Variants in PMEPA1 observed in about 807,000 individuals in gnomAD.
PMEPA1 encodes prostate transmembrane protein, androgen induced 1.
A neutral mutation model predicts 23.0 loss-of-function variants in PMEPA1; 11 were observed. The ratio of observed to expected loss-of-function variants is 0.48; its 90% CI spans 0.30 to 0.79. The LOEUF (loss-of-function observed/expected upper bound fraction) is 0.79, where lower values mean the gene tolerates loss of function less well. Ranked by LOEUF, PMEPA1 falls within the 30% of genes least tolerant of loss-of-function variation. The pLI is 0.06. For missense variants in PMEPA1, 377 were observed against 390.9 expected (o/e 0.96, Z 0.30); for synonymous variants, 204 against 166.4 (o/e 1.23, Z -1.74).
At chr20:57,699,579 C>T (rs953765593) in intron 1 of PMEPA1, among the ~76,000 whole-genome samples, 12 of 152,180 alleles carry the variant, frequency 7.9e-5, no homozygotes, top group African/African-American at 1.7e-4. Context: ...CCAAGCAAGG[C>T]GTGTGGGGTG....
At chr20:57,678,740 CTGGCTCCTA>C (rs2071672219) in intron 1 of PMEPA1, among the ~76,000 whole-genome samples, 1 of 152,212 alleles carries the variant, frequency 6.6e-6, no homozygotes, top group Admixed American at 6.5e-5. Flanking sequence ...TCTGGAAGCA[CTGGCTCCTA>C]TTGTCTGCCC....
chr20:57,676,594 A>G (rs894935514), intron 1 of PMEPA1, among the ~76,000 whole-genome samples: 2 of 152,230 alleles, frequency 1.3e-5, no homozygotes, highest in African/African-American at 4.8e-5. Context: ...AACCAGAAAC[A>G]TCCATCAGAA....
chr20:57,662,667 T>C (rs919697142), intron 1 of PMEPA1, among the ~76,000 whole-genome samples: 2 of 152,160 alleles, frequency 1.3e-5, no homozygotes, highest in African/African-American at 4.8e-5. Context: ...TAAAGCCGCA[T>C]TCAGGGTACA....
chr20:57,666,508 A>T (rs957908344), intron 1 of PMEPA1, among the ~76,000 whole-genome samples: 1 of 152,096 alleles, frequency 6.6e-6, no homozygotes, highest in Non-Finnish European at 1.5e-5. Context: ...AGTTCCTCTG[A>T]CCCCAAAGCC....
chr20:57,677,505 G>A (rs1024090466), intron 1 of PMEPA1, among the ~76,000 whole-genome samples: 7 of 152,130 alleles, frequency 4.6e-5, no homozygotes, highest in Non-Finnish European at 8.8e-5. Flanking sequence ...AGTGGCCCTC[G>A]ATTAACATGT....
intron 1 of PMEPA1, among the ~76,000 whole-genome samples, chr20:57,676,089 G>A (rs1214496789): frequency 2.0e-5 from 3 of 152,224 alleles, no homozygotes; most frequent in African/African-American, 4.8e-5. Context: ...ACTGTTCTGC[G>A]AAGGCAGCAG....
intron 1 of PMEPA1, among the ~76,000 whole-genome samples, chr20:57,686,191 T>G (rs2071799142): frequency 6.6e-6 from 1 of 152,156 alleles, no homozygotes; most frequent in Non-Finnish European, 1.5e-5. Flanking sequence ...ACAGGGGTGG[T>G]TCTCCTAAAT....
chr20:57,658,126 G>A (rs2071353350), intron 2 of PMEPA1, among the ~76,000 whole-genome samples: 1 of 152,240 alleles, frequency 6.6e-6, no homozygotes, highest in Non-Finnish European at 1.5e-5. Flanking sequence ...CACCGTCAGA[G>A]GCGGGCAAGT....
intron 1 of PMEPA1, among the ~76,000 whole-genome samples, chr20:57,694,319 G>A (rs911067860): frequency 2.6e-5 from 4 of 152,156 alleles, no homozygotes; most frequent in Admixed American, 2.6e-4. Context: ...AAATTCTTCA[G>A]TATTTTTCTT....
chr20:57,649,538 C>T lies in PMEPA1; in HGVS notation c.*2515G>A, dbSNP rs1600765335. On this transcript the variant is annotated 3_prime_UTR_variant, in exon 4 of 4. Coordinates refer to ENST00000341744, the MANE Select transcript of PMEPA1 (RefSeq NM_020182.5). ...CAAAGCCATTCCCACAAATCCAGACCATACCATGAAGCAACGAGACCCAAA... is the reference window on the plus strand; with the variant it reads ...CAAAGCCATTCCCACAAATCCAGACTATACCATGAAGCAACGAGACCCAAA... 1 of 152,370 alleles carries T rather than the reference C, an allele frequency of 6.6e-6. No homozygotes were observed. Among genetic ancestry groups the T allele is most frequent in the East Asian group, 1.9e-4 (1 of 5,180 alleles). The allele number at this position is 152,370 out of a possible 1,614,324, so 9.4% of individuals were successfully genotyped here.
intron 1 of PMEPA1, among the ~76,000 whole-genome samples, chr20:57,693,547 C>T (rs2071909675): frequency 6.6e-6 from 1 of 152,210 alleles, no homozygotes; most frequent in South Asian, 2.1e-4. Flanking sequence ...AACTGCAAGG[C>T]CTGGGGCTGG....
At chr20:57,710,138 G>A, upstream of PMEPA1, 1 of 718,340 alleles carries the variant, frequency 1.4e-6, no homozygotes, top group Non-Finnish European at 1.8e-6. Flanking sequence ...GGGGTGACGG[G>A]AAACGGGGCG....
chr20:57,663,626 G>A (rs2071453375), intron 1 of PMEPA1, among the ~76,000 whole-genome samples: 1 of 152,228 alleles, frequency 6.6e-6, no homozygotes, highest in African/African-American at 2.4e-5. Flanking sequence ...GAAGACCCTG[G>A]AGGGCTCCCT....
chr20:57,662,432 G>C (rs576917797), intron 1 of PMEPA1, among the ~76,000 whole-genome samples: 1 of 152,322 alleles, frequency 6.6e-6, no homozygotes, highest in Admixed American at 6.5e-5. Context: ...AGGCTTGGTG[G>C]GGCTTTCCCA....
chr20:57,702,498 C>T (rs1028712378), intron 1 of PMEPA1, among the ~76,000 whole-genome samples: 2 of 152,160 alleles, frequency 1.3e-5, no homozygotes, highest in African/African-American at 4.8e-5. Context: ...GTGGCCAATT[C>T]GTATGTGTTC....
chr20:57,681,494 G>A (rs751227881), intron 1 of PMEPA1, among the ~76,000 whole-genome samples: 13 of 152,328 alleles, frequency 8.5e-5, no homozygotes, highest in South Asian at 2.1e-4. Flanking sequence ...ATGGTGTGGC[G>A]CTGCCTCTTA....
At position 57,709,981 on chromosome 20, in the gene PMEPA1, C is replaced by G. The variant is rs1456631184; in HGVS notation, c.-399G>C. 1.6e-5 allele frequency: 16 copies of G among 991,674 alleles called. No homozygotes were observed. Among genetic ancestry groups the G allele is most frequent in the Middle Eastern group, 5.1e-4 (1 of 1,950 alleles). The allele number at this position is 991,674 out of a possible 1,614,324, so 61.4% of individuals were successfully genotyped here. A position where few individuals can be genotyped will look rare whatever the true frequency, so the allele number is the denominator to read the frequency against. On this transcript the variant is annotated 5_prime_UTR_variant, in exon 1 of 4. Coordinates refer to ENST00000341744, the MANE Select transcript of PMEPA1 (RefSeq NM_020182.5). ...AGTCCAAGGAGATCGGGTTTCGCTCCGAGACCGCGGTCGGAGGCAGGCAGA... is the reference window on the plus strand; with the variant it reads ...AGTCCAAGGAGATCGGGTTTCGCTCGGAGACCGCGGTCGGAGGCAGGCAGA...
intron 1 of PMEPA1, among the ~76,000 whole-genome samples, chr20:57,679,861 A>C (rs1343715202): frequency 6.6e-6 from 1 of 152,170 alleles, no homozygotes; most frequent in Admixed American, 6.5e-5. Flanking sequence ...AAGCCCCTAA[A>C]ATGGGTCAGA....
rs58664125 is a variant in PMEPA1 at position 57,652,720 on chromosome 20, C to G, written c.319-122G>C. On this transcript the variant is annotated intron_variant, in intron 3 of 3. Transcript: ENST00000341744. The surrounding 1 kb of genome is among the most constrained non-coding windows in gnomAD (Gnocchi z 6.1). ...CTCTCTGGGGAAAGGGAGAGGGCAG[C>G]AGGGCTGGCGGGGGCGGGAGCCCAG... 5.9e-4 allele frequency: 566 copies of G among 953,258 alleles called. 2 individuals are homozygous for G. The African/African-American group carries it at 8.4e-3, about 14-fold the overall frequency. The allele number at this position is 953,258 out of a possible 1,614,324, so 59.0% of individuals were successfully genotyped here. A position where few individuals can be genotyped will look rare whatever the true frequency, so the allele number is the denominator to read the frequency against.
Sources: allele counts gnomAD v4.1 joint callset (sites outside exome capture counted in the v4.1 genomes callset), GRCh38; gene constraint gnomAD v4.1.1; non-coding constraint Gnocchi (gnomAD v3.1); transcripts MANE v1.5; gene names NCBI Gene and HGNC (gene_info 2026-07-23, HGNC 2026-07-21).